The following ZFHX3 variants were observed in gnomAD, a reference collection of about 807,000 sequenced individuals.
The protein encoded by ZFHX3 is zinc finger homeobox 3.
Under a neutral mutation model 279.1 loss-of-function variants are expected in ZFHX3, and 42 were observed. The observed-to-expected ratio is 0.15, with a 90% CI of 0.12 to 0.19. The LOEUF is 0.19. Among genes scored for constraint, ZFHX3 ranks in the 10% least tolerant of loss-of-function variants. The pLI is 1.00. For synonymous variants in ZFHX3, 2,293 were observed against 1,957.8 expected (o/e 1.17, Z -4.52); for missense variants, 4,981 against 4,754.0 (o/e 1.05, Z -1.40).
chr16:73,792,026 G>C (rs1425796610), intron 1 of ZFHX3, among the ~76,000 whole-genome samples: 2 of 152,166 alleles, frequency 1.3e-5, no homozygotes, highest in Admixed American at 6.5e-5. Context: ...CCAGAATGAA[G>C]AATCAAAATT....
intron 1 of ZFHX3, among the ~76,000 whole-genome samples, chr16:73,712,576 T>C (rs973891612): frequency 2.0e-5 from 3 of 152,182 alleles, no homozygotes; most frequent in Non-Finnish European, 4.4e-5. Flanking sequence ...TTTGGCTTCT[T>C]TGAGCATGGG....
intron 1 of ZFHX3, among the ~76,000 whole-genome samples, chr16:73,008,388 C>T (rs1379243043): frequency 6.6e-6 from 1 of 151,964 alleles, no homozygotes; most frequent in African/African-American, 2.4e-5. Flanking sequence ...TTTAAGTATT[C>T]TATGGAGGAT....
chr16:73,854,674 T>G (rs988533100), intron 1 of ZFHX3, among the ~76,000 whole-genome samples: 1 of 130,896 alleles, frequency 7.6e-6, no homozygotes, highest in African/African-American at 3.0e-5. Context: ...GGCAAAATAC[T>G]AAGTCTGCTT....
At chr16:73,685,192 T>C (rs999318987) in intron 1 of ZFHX3, among the ~76,000 whole-genome samples, 1 of 149,382 alleles carries the variant, frequency 6.7e-6, no homozygotes, top group African/African-American at 2.5e-5. Flanking sequence ...AATTTTCTTG[T>C]ATTTTGCTAG....
chr16:73,769,831 C>A (rs1184390695), intron 1 of ZFHX3, among the ~76,000 whole-genome samples: 2 of 152,134 alleles, frequency 1.3e-5, no homozygotes, highest in East Asian at 1.9e-4. Context: ...CTTTGAATTG[C>A]CCATTATTGA....
At chr16:73,543,885 G>GGGGAGAGAGAGAGA (rs1555523939) in intron 2 of ZFHX3, 1 of 136,454 alleles carries the variant, frequency 7.3e-6, no homozygotes, top group African/African-American at 3.1e-5. Flanking sequence ...AGCGAGAGAG[G>GGGGAGAGAGAGAGA]GAGAGAGAGA....
In ZFHX3 at chr16:73,546,077, GC is replaced by G. The variant is rs577098526; in HGVS notation, c.-1546-89820del. 3.9e-5 allele frequency among the ~76,000 whole-genome samples: 6 copies of G among 152,258 alleles called. No individual in the cohort carries two copies. The East Asian group carries it at 1.2e-3, about 29-fold the overall frequency. ...AAAGGGCTTATTAACTCAATGTGAA[GC>G]CAGATTAAAATCTTTAATTATAAAT... On this transcript the variant is annotated intron_variant, in intron 2 of 17. Coordinates refer to the ZFHX3 transcript ENST00000641206.
At chr16:73,591,854 G>A (rs939550052) in intron 2 of ZFHX3, among the ~76,000 whole-genome samples, 1 of 151,614 alleles carries the variant, frequency 6.6e-6, no homozygotes, top group Non-Finnish European at 1.5e-5. Context: ...TTGGGAAAAT[G>A]AACACTTAGT....
chr16:73,688,069 T>C (rs1198463486), intron 1 of ZFHX3, among the ~76,000 whole-genome samples: 1 of 151,678 alleles, frequency 6.6e-6, no homozygotes, highest in Non-Finnish European at 1.5e-5. Context: ...AAAATTCACA[T>C]CTTGAGCCTG....
intron 1 of ZFHX3, among the ~76,000 whole-genome samples, chr16:72,969,611 C>A (rs1962009147): frequency 6.6e-6 from 1 of 151,886 alleles, no homozygotes; most frequent in African/African-American, 2.4e-5. Flanking sequence ...AGCAACTATC[C>A]CCTCACTAAC....
intron 2 of ZFHX3, among the ~76,000 whole-genome samples, chr16:73,589,907 T>G (rs145893721): frequency 6.6e-6 from 1 of 152,206 alleles, no homozygotes; most frequent in African/African-American, 2.4e-5. Flanking sequence ...GTTGGAAACA[T>G]TATCTCTCAG....
intron 2 of ZFHX3, chr16:73,487,460 G>C (rs910921135): frequency 4.5e-6 from 2 of 441,348 alleles, no homozygotes; most frequent in Admixed American, 4.9e-5. Context: ...TGGAGTGCCA[G>C]CATGATTATG....
intron 1 of ZFHX3, among the ~76,000 whole-genome samples, chr16:73,020,304 A>G (rs1421121091): frequency 6.6e-6 from 1 of 152,246 alleles, no homozygotes; most frequent in Non-Finnish European, 1.5e-5. Context: ...TGATCAGATC[A>G]AATAGCAAAC....
chr16:72,890,884 T>C (rs1217474826), intron 3 of ZFHX3, among the ~76,000 whole-genome samples: 1 of 152,242 alleles, frequency 6.6e-6, no homozygotes, highest in Non-Finnish European at 1.5e-5. Flanking sequence ...AGAGATGGTA[T>C]AGTCCACAAA....
chr16:72,974,568 A>AACACACAC (rs59350988), intron 1 of ZFHX3, among the ~76,000 whole-genome samples: 58 of 148,366 alleles, frequency 3.9e-4, no homozygotes, highest in African/African-American at 7.7e-4. Flanking sequence ...CTGATAGGGC[A>AACACACAC]ACACACACAC....
Position 72,839,816 on chromosome 16 carries a change from G to A in ZFHX3, c.3449-9957C>T, listed in dbSNP as rs116428383. On this transcript the variant is annotated intron_variant, in intron 4 of 9. Coordinates refer to ENST00000268489, the MANE Select transcript of ZFHX3 (RefSeq NM_006885.4). ...GGGGAGCTTCCCTGATGGGGTACCC[G>A]TTCCCTCCTGTCCCCTTCCTCTGTA... 2.4e-3 allele frequency among the ~76,000 whole-genome samples: 362 copies of A among 152,240 alleles called. 2 individuals are homozygous for A. In the Middle Eastern group the frequency reaches 0.027, roughly 11 times the overall value.
chr16:73,790,779 C>T (rs894015882), intron 1 of ZFHX3, among the ~76,000 whole-genome samples: 12 of 152,204 alleles, frequency 7.9e-5, no homozygotes, highest in Non-Finnish European at 1.3e-4. Context: ...GAGTTTTGTG[C>T]ACCAAAGTTG....
intron 3 of ZFHX3, among the ~76,000 whole-genome samples, chr16:72,935,992 G>A (rs1404477124): frequency 6.6e-6 from 1 of 152,182 alleles, no homozygotes; most frequent in Non-Finnish European, 1.5e-5. Flanking sequence ...CAGAATTTGG[G>A]CGGACAGAGC....
intron 2 of ZFHX3, among the ~76,000 whole-genome samples, chr16:73,564,968 T>C (rs927067230): frequency 6.6e-6 from 1 of 152,148 alleles, no homozygotes; most frequent in Non-Finnish European, 1.5e-5. Context: ...AGAAACAGTA[T>C]GAGGCCAGGC....
Sources: allele counts gnomAD v4.1 joint callset (sites outside exome capture counted in the v4.1 genomes callset), GRCh38; gene constraint gnomAD v4.1.1; transcripts MANE v1.5; gene names NCBI Gene and HGNC (gene_info 2026-07-23, HGNC 2026-07-21).